The following KIAA1328 variants were observed in gnomAD, a reference collection of about 807,000 sequenced individuals.
KIAA1328 encodes the protein KIAA1328.
In KIAA1328, 52 loss-of-function variants were observed where a neutral mutation model predicts 68.1. That is an observed-to-expected ratio of 0.76 (90% confidence interval 0.61 to 0.96). KIAA1328 has a LOEUF of 0.96. Among genes scored for constraint, KIAA1328 ranks in the 40% least tolerant of loss-of-function variants. The pLI is 0.00. For missense variants in KIAA1328, 641 were observed against 677.6 expected (o/e 0.95, Z 0.60); for synonymous variants, 232 against 239.4 (o/e 0.97, Z 0.28).
chr18:37,185,694 T>C (rs1231688487), intron 9 of KIAA1328, among the ~76,000 whole-genome samples: 1 of 150,654 alleles, frequency 6.6e-6, no homozygotes, highest in Non-Finnish European at 1.5e-5. Context: ...TTTAAATATA[T>C]ATATACGTAT....
At chr18:36,867,170 A>G (rs1408410181) in intron 4 of KIAA1328, among the ~76,000 whole-genome samples, 1 of 152,144 alleles carries the variant, frequency 6.6e-6, no homozygotes, top group African/African-American at 2.4e-5. Flanking sequence ...GAATGGCTTA[A>G]CACCATCCTC....
intron 7 of KIAA1328, among the ~76,000 whole-genome samples, chr18:37,159,018 C>A (rs2059218931): frequency 6.6e-6 from 1 of 151,640 alleles, no homozygotes; most frequent in East Asian, 1.9e-4. Context: ...TCTGGTGGGT[C>A]TGAGAGGAAA....
chr18:37,175,541 T>C (rs2059582716), intron 9 of KIAA1328, among the ~76,000 whole-genome samples: 1 of 152,070 alleles, frequency 6.6e-6, no homozygotes, highest in Non-Finnish European at 1.5e-5. Context: ...CCATATTTTA[T>C]CTTTAGAAAT....
chr18:37,008,579 G>A (rs2053863859), intron 6 of KIAA1328, among the ~76,000 whole-genome samples: 1 of 152,096 alleles, frequency 6.6e-6, no homozygotes, highest in Admixed American at 6.5e-5. Flanking sequence ...CACAACTCCA[G>A]GGTCAACCAG....
rs1410548135 is a variant in KIAA1328, at chr18:36,959,367, T to C, written c.508T>C (p.Ser170Pro). Residue 170 changes from serine to proline, a missense_variant, in exon 6 of 10, where the codon TCA (serine) becomes CCA (proline). Coordinates refer to ENST00000280020, the MANE Select transcript of KIAA1328 (RefSeq NM_020776.3). ...TCTAAGCCTGTATCAGAAATATTTA[T>C]CAGAACAACAGGAGAAGCTCACCAT... ...ELLSLYQKYLSEQQEKLTMSL... is the reference protein window; with the variant it reads ...ELLSLYQKYLPEQQEKLTMSL... 3 of 1,608,168 alleles carry C rather than the reference T, an allele frequency of 1.9e-6. No homozygotes were observed. The highest frequency in any genetic ancestry group is 2.2e-5 in the East Asian group (1 of 44,784).
intron 7 of KIAA1328, among the ~76,000 whole-genome samples, chr18:37,119,639 A>G (rs531314967): frequency 6.6e-6 from 1 of 152,246 alleles, no homozygotes; most frequent in African/African-American, 2.4e-5. Context: ...CCATCTTCAA[A>G]TACCATCAAA....
chr18:37,175,987 CAG>C (rs1432761025), intron 9 of KIAA1328, among the ~76,000 whole-genome samples: 1 of 152,174 alleles, frequency 6.6e-6, no homozygotes, highest in East Asian at 1.9e-4. Flanking sequence ...ACAGGTGTGG[CAG>C]AGTCATCTTT....
chr18:36,844,469 A>T (rs1327794008), intron 4 of KIAA1328, among the ~76,000 whole-genome samples, 167 bp downstream of exon 4: 2 of 152,018 alleles, frequency 1.3e-5, no homozygotes, highest in Non-Finnish European at 2.9e-5. Flanking sequence ...AAAAAGCTTA[A>T]AAAAGAAGCA....
intron 6 of KIAA1328, among the ~76,000 whole-genome samples, chr18:36,979,798 A>G (rs988765708): frequency 6.6e-6 from 1 of 152,204 alleles, no homozygotes; most frequent in Non-Finnish European, 1.5e-5. Flanking sequence ...CTTTACTCAA[A>G]GAAAGGAGAA....
rs568881646 is a variant in KIAA1328 at position 36,972,719 on chromosome 18, C to T, written c.576+13284C>T. 2.2e-4 allele frequency among the ~76,000 whole-genome samples: 33 copies of T among 152,266 alleles called. No individual in the cohort carries two copies. In the South Asian group the frequency reaches 5.8e-3, roughly 27 times the overall value. ...TGGATAGGGTGTCCCCTATATCCAG[C>T]GGGTTCTCTGGCAGCCAACCTGTCT... is the stretch of plus-strand genomic sequence containing the variant. On this transcript the variant is annotated intron_variant, in intron 6 of 9. Coordinates refer to ENST00000280020, the MANE Select transcript of KIAA1328 (RefSeq NM_020776.3).
At chr18:37,152,474 T>C (rs1249842072) in intron 7 of KIAA1328, among the ~76,000 whole-genome samples, 1 of 152,130 alleles carries the variant, frequency 6.6e-6, no homozygotes, top group East Asian at 1.9e-4. Flanking sequence ...TTTGTCTCTG[T>C]AAGTTTGTGT....
intron 5 of KIAA1328, among the ~76,000 whole-genome samples, chr18:36,896,468 G>C (rs1186750145): frequency 6.6e-6 from 1 of 152,140 alleles, no homozygotes; most frequent in Non-Finnish European, 1.5e-5. Flanking sequence ...TTGCTTTATA[G>C]TGAGTGACAC....
intron 6 of KIAA1328, among the ~76,000 whole-genome samples, chr18:36,972,667 A>G (rs2052275445): frequency 6.6e-6 from 1 of 152,226 alleles, no homozygotes; most frequent in Admixed American, 6.5e-5. Flanking sequence ...CAGCAAGATC[A>G]GCTTCAATGA....
intron 5 of KIAA1328, among the ~76,000 whole-genome samples, chr18:36,925,891 G>T (rs988379770): frequency 2.0e-5 from 3 of 151,894 alleles, no homozygotes; most frequent in Non-Finnish European, 2.9e-5. Context: ...CCTTAATTTT[G>T]CAGGTAGTAT....
At chr18:36,948,624 A>T (rs1291893454) in intron 5 of KIAA1328, among the ~76,000 whole-genome samples, 1 of 144,282 alleles carries the variant, frequency 6.9e-6, no homozygotes, top group East Asian at 2.0e-4. Context: ...ATCTCAGCTC[A>T]CCGCAACCTC....
chr18:37,024,002 C>A (rs908143069), intron 6 of KIAA1328, among the ~76,000 whole-genome samples: 1 of 152,032 alleles, frequency 6.6e-6, no homozygotes, highest in Non-Finnish European at 1.5e-5. Context: ...TTATTCCCTT[C>A]TTTTTTGTGT....
chr18:36,987,051 C>A (rs2052952600), intron 6 of KIAA1328, among the ~76,000 whole-genome samples: 1 of 9,242 alleles, frequency 1.1e-4, no homozygotes, highest in African/African-American at 3.1e-4. Flanking sequence ...TTTATTGCGG[C>A]ACTATTCACA....
downstream of KIAA1328, among the ~76,000 whole-genome samples, chr18:37,228,590 G>A (rs544943127): frequency 5.3e-5 from 8 of 152,052 alleles, no homozygotes; most frequent in African/African-American, 9.7e-5. Context: ...AGTCTGAGGC[G>A]GGTGGATCAC....
At chr18:36,967,803 T>TG (rs1435889645) in intron 6 of KIAA1328, among the ~76,000 whole-genome samples, 2 of 151,920 alleles carry the variant, frequency 1.3e-5, no homozygotes, top group African/African-American at 4.8e-5. Context: ...GTGGAGTGGG[T>TG]GAGTTGAACA....
Sources: gnomAD v4.1 joint callset for allele counts (sites outside exome capture counted in the v4.1 genomes callset) on GRCh38, gnomAD v4.1.1 for gene constraint, MANE v1.5 for transcripts, NCBI Gene and HGNC (gene_info 2026-07-23, HGNC 2026-07-21) for gene names.